Variants in SIN3A observed in about 807,000 individuals in gnomAD.
SIN3A encodes the protein paired amphipathic helix protein Sin3a.
SIN3A carries 14 observed loss-of-function variants against 146.1 expected under a neutral mutation model. That is an observed-to-expected ratio of 0.10 (90% CI 0.06 to 0.15). SIN3A has a LOEUF of 0.15. SIN3A is among the 10% of genes least tolerant of loss of function. The probability of loss-of-function intolerance (pLI) is 1.00; values close to 1 mark genes in which losing one functional copy is unlikely to be tolerated. For missense variants in SIN3A, 1,028 were observed against 1,576.0 expected (o/e 0.65, Z 5.89); for synonymous variants, 572 against 572.0 (o/e 1.00, Z 0.00).
At chr15:75,424,597 C>T (rs979744379) in intron 2 of SIN3A, among the ~76,000 whole-genome samples, 1 of 152,108 alleles carries the variant, frequency 6.6e-6, no homozygotes. Context: ...ACCCCAGCTT[C>T]CCGAGTAGCT....
chr15:75,393,996 C>T (rs545053957), intron 14 of SIN3A, among the ~76,000 whole-genome samples: 6 of 151,776 alleles, frequency 4.0e-5, no homozygotes, highest in Non-Finnish European at 8.8e-5. Context: ...TTAGTAAAGA[C>T]GGGGTTTCGT....
Position 75,430,307 on chromosome 15 carries a change from G to C in SIN3A, c.69C>G (p.Ser23Arg), listed in dbSNP as rs373353493. ...GGTGCTGGTGAGGAAAAGCCTCTGT[G>C]CTGCCAGGGATCCGACGCTGCTGGG... The part of the protein sequence containing the change: ...YAAQQRRIPG[S>R]TEAFPHQHRV... Residue 23 changes from serine (S) to arginine (R), a missense_variant, in exon 2 of 21, where the codon AGC (serine) becomes AGG (arginine). Physicochemically the swap from Ser to Arg is moderately radical, Grantham distance 110 (BLOSUM62 -1). Transcript: ENST00000394947. The C allele has an allele frequency of 1.2e-6, 2 of 1,614,008 alleles. No individual in the cohort carries two copies. Among genetic ancestry groups the C allele is most frequent in the African/African-American group, 2.7e-5 (2 of 74,910 alleles).
intron 16 of SIN3A, chr15:75,388,869 G>A (rs1486205327): frequency 6.6e-6 from 1 of 152,256 alleles, no homozygotes; most frequent in Admixed American, 6.5e-5. Flanking sequence ...AGTAGAGCTG[G>A]GTCTCCAGAA....
At chr15:75,439,743 T>C (rs1014014525) in intron 1 of SIN3A, among the ~76,000 whole-genome samples, 2 of 152,156 alleles carry the variant, frequency 1.3e-5, no homozygotes, top group Non-Finnish European at 2.9e-5. Context: ...AGAACTCTTA[T>C]CTTTTTTTAC....
intron 16 of SIN3A, among the ~76,000 whole-genome samples, chr15:75,385,209 C>T (rs2073055748): frequency 6.6e-6 from 1 of 152,108 alleles, no homozygotes; most frequent in Non-Finnish European, 1.5e-5. Flanking sequence ...TGTCTATATT[C>T]CCAGGCCAAC....
intron 1 of SIN3A, among the ~76,000 whole-genome samples, chr15:75,438,430 T>TCCTAGCACTTTGGGAGGC (rs972487824): frequency 2.6e-5 from 4 of 151,960 alleles, no homozygotes; most frequent in Non-Finnish European, 4.4e-5. Context: ...ACATTTGTAA[T>TCCTAGCACTTTGGGAGGC]CCTAGCACTT....
chr15:75,402,317 G>C, intron 9 of SIN3A, among the ~76,000 whole-genome samples: 1 of 152,038 alleles, frequency 6.6e-6, no homozygotes. Context: ...TTCGAGCCCA[G>C]ACTGGCCAAC....
rs371299593 is a variant in SIN3A at position 75,372,066 on chromosome 15, A to G, written c.3735T>C (p.Cys1245=). 7.4e-6 allele frequency: 12 copies of G among 1,614,068 alleles called. No individual in the cohort carries two copies. The highest frequency in any genetic ancestry group is 9.3e-6 in the Non-Finnish European group (11 of 1,180,026). Residue 1245 remains cysteine (C), a synonymous_variant, in exon 21 of 21, where the codon TGT becomes TGC. Transcript: ENST00000394947. ...MGEGLEGLVP[C]TTTCDTETLH... ...GGGTCTCTGTATCACAGGTGGTGGTACAGGGCACCAGGCCCTCCAGCCCCT... is the reference window on the plus strand; with the variant it reads ...GGGTCTCTGTATCACAGGTGGTGGTGCAGGGCACCAGGCCCTCCAGCCCCT...
chr15:75,386,276 C>T (rs1465832861), intron 16 of SIN3A, among the ~76,000 whole-genome samples: 2 of 152,358 alleles, frequency 1.3e-5, no homozygotes, highest in East Asian at 3.9e-4. Context: ...GATCCACCCG[C>T]CTTGGCCTCC....
intron 15 of SIN3A, among the ~76,000 whole-genome samples, chr15:75,390,395 T>C (rs1229751546): frequency 6.6e-6 from 1 of 152,244 alleles, no homozygotes; most frequent in Non-Finnish European, 1.5e-5. Flanking sequence ...ATTCGCTACG[T>C]TGTATTTCAC....
At chr15:75,389,286 C>T (rs529508060) in intron 16 of SIN3A, among the ~76,000 whole-genome samples, 1 of 141,172 alleles carries the variant, frequency 7.1e-6, no homozygotes, top group Admixed American at 7.1e-5. Flanking sequence ...AACAGTGACA[C>T]CCTGTCTCTA....
At chr15:75,427,353 A>G (rs890933508) in intron 2 of SIN3A, among the ~76,000 whole-genome samples, 2 of 150,650 alleles carry the variant, frequency 1.3e-5, no homozygotes, top group Non-Finnish European at 2.9e-5. Flanking sequence ...AGCTGGGGCG[A>G]CAGAGCGAGA....
At chr15:75,450,980 C>A (rs2074394310) in intron 1 of SIN3A, among the ~76,000 whole-genome samples, 1 of 151,582 alleles carries the variant, frequency 6.6e-6, no homozygotes. Context: ...TTCACGCCCC[C>A]TCCCTGCCGC....
chr15:75,384,835 C>G (rs2073049425), intron 16 of SIN3A, among the ~76,000 whole-genome samples: 1 of 152,090 alleles, frequency 6.6e-6, no homozygotes. Flanking sequence ...CACAACTGCC[C>G]TGGGAAGGCA....
rs1181278218 is a variant in SIN3A at position 75,392,519 on chromosome 15, C to T, written c.2574G>A (p.Gly858=). 6.2e-7 allele frequency: 1 copy of T among 1,614,014 alleles called. No individual in the cohort carries two copies. Among genetic ancestry groups the T allele is most frequent in the African/African-American group, 1.3e-5 (1 of 74,938 alleles). ...GTAACTTGGACTTAGGGGGACTGCCCCCAACACCATTGTGCTTCTTAACTG... is the reference window on the plus strand; with the variant it reads ...GTAACTTGGACTTAGGGGGACTGCCTCCAACACCATTGTGCTTCTTAACTG... ...TGAVKKHNGV[G]GSPPKSKLLF... Residue 858 remains glycine, a synonymous_variant, in exon 15 of 21, where the codon GGG becomes GGA. Coordinates refer to ENST00000394947, the MANE Select transcript of SIN3A (RefSeq NM_001145358.2).
intron 13 of SIN3A, 116 bp downstream of exon 13, chr15:75,396,142 G>T: frequency 2.6e-6 from 2 of 767,084 alleles, no homozygotes; most frequent in Non-Finnish European, 4.4e-6. Flanking sequence ...AACCAGGGTT[G>T]GGGAGAAAGA....
At chr15:75,455,672 C>A (rs2074478265), upstream of SIN3A, 1 of 152,280 alleles carries the variant, frequency 6.6e-6, no homozygotes, top group Non-Finnish European at 1.5e-5. Context: ...TCAGCTCGGT[C>A]CCAGGGCCCG....
intron 1 of SIN3A, among the ~76,000 whole-genome samples, chr15:75,432,685 C>CAAAAA (rs71440236): frequency 1.2e-5 from 1 of 84,892 alleles, no homozygotes; most frequent in Non-Finnish European, 2.3e-5. Context: ...GACTCTGTCT[C>CAAAAA]AAAAAAAAAA....
At chr15:75,382,371 T>C (rs1157044294) in intron 17 of SIN3A, among the ~76,000 whole-genome samples, 4 of 152,166 alleles carry the variant, frequency 2.6e-5, no homozygotes, top group African/African-American at 9.6e-5. Flanking sequence ...GATTTCGGGG[T>C]GGGGGCAGAC....
Sources: gnomAD v4.1 joint callset for allele counts (sites outside exome capture counted in the v4.1 genomes callset) on GRCh38, gnomAD v4.1.1 for gene constraint, MANE v1.5 for transcripts, NCBI Gene and HGNC (gene_info 2026-07-23, HGNC 2026-07-21) for gene names.